Variants in TENT4B observed in about 807,000 individuals in gnomAD.
TENT4B encodes the protein PAP associated domain containing 5.
TENT4B carries 10 observed loss-of-function variants against 75.0 expected under a neutral mutation model. The observed-to-expected ratio is 0.13, with a 90% CI of 0.08 to 0.23. The LOEUF (loss-of-function observed/expected upper bound fraction) is 0.23, where lower values mean the gene tolerates loss of function less well. Among genes scored for constraint, TENT4B ranks in the 10% least tolerant of loss-of-function variants. The pLI, the probability that TENT4B is intolerant of heterozygous loss-of-function variation, is 1.00. For missense variants in TENT4B, 579 were observed against 893.8 expected (o/e 0.65, Z 4.49); for synonymous variants, 350 against 357.7 (o/e 0.98, Z 0.24).
chr16:50,160,643 T>C (rs532244686), intron 1 of TENT4B, among the ~76,000 whole-genome samples: 1 of 152,236 alleles, frequency 6.6e-6, no homozygotes, highest in Non-Finnish European at 1.5e-5. Flanking sequence ...ACTGATCAGA[T>C]GGTTCTCACT....
chr16:50,153,014 G>C, upstream of TENT4B: 1 of 1,516,756 alleles, frequency 6.6e-7, no homozygotes, highest in Admixed American at 2.0e-5. Context: ...GCGCGCCTCA[G>C]AAGCTCCCGG....
intron 11 of TENT4B, 56 bp downstream of exon 11, chr16:50,228,059 T>C: frequency 6.4e-7 from 1 of 1,555,704 alleles, no homozygotes; most frequent in South Asian, 1.2e-5. Flanking sequence ...ATTTAGAATT[T>C]CCCACATGTA....
At chr16:50,210,768 C>T (rs763668876) in intron 1 of TENT4B, among the ~76,000 whole-genome samples, 49 of 152,250 alleles carry the variant, frequency 3.2e-4, no homozygotes, top group Admixed American at 1.7e-3. Context: ...CTGCCTGCCA[C>T]AGCCCTTGTA....
chr16:50,226,326 C>G (rs2032052403), intron 10 of TENT4B, among the ~76,000 whole-genome samples: 1 of 151,936 alleles, frequency 6.6e-6, no homozygotes, highest in Non-Finnish European at 1.5e-5. Flanking sequence ...TTAGTTTTGC[C>G]TGTTTCAGAA....
At chr16:50,211,898 C>A (rs2031297639) in intron 2 of TENT4B, among the ~76,000 whole-genome samples, 1 of 152,130 alleles carries the variant, frequency 6.6e-6, no homozygotes, top group Non-Finnish European at 1.5e-5. Context: ...TTTCCTTTGG[C>A]TAATGCACGC....
chr16:50,219,661 AT>A (rs893259975), intron 5 of TENT4B, among the ~76,000 whole-genome samples: 9 of 150,756 alleles, frequency 6.0e-5, no homozygotes, highest in African/African-American at 2.0e-4. Context: ...TCATATTCTC[AT>A]TTTCTCTCTC....
At chr16:50,194,445 C>T (rs963430996) in intron 1 of TENT4B, among the ~76,000 whole-genome samples, 1 of 152,024 alleles carries the variant, frequency 6.6e-6, no homozygotes, top group African/African-American at 2.4e-5. Context: ...GAACTTCTGA[C>T]CTCAGGCGAT....
chr16:50,206,354 A>ATTTTTTTTTTTTTTTTTTTTTTTTTGT (rs35118426), intron 1 of TENT4B, among the ~76,000 whole-genome samples: 1 of 96,550 alleles, frequency 1.0e-5, no homozygotes, highest in African/African-American at 3.9e-5. Flanking sequence ...ATATGTATGT[A>ATTTTTTTTTTTTTTTTTTTTTTTTTGT]TTTTTTTTTT....
At chr16:50,221,651 T>C (rs563031042) in intron 5 of TENT4B, among the ~76,000 whole-genome samples, 23 of 152,352 alleles carry the variant, frequency 1.5e-4, no homozygotes, top group African/African-American at 5.0e-4. Context: ...AAGATGTTGG[T>C]TACTTTGTCC....
At chr16:50,182,662 C>T (rs982310903) in intron 1 of TENT4B, among the ~76,000 whole-genome samples, 1 of 152,064 alleles carries the variant, frequency 6.6e-6, no homozygotes, top group African/African-American at 2.4e-5. Context: ...CTTAAGCATT[C>T]TCTTATTCTT....
chr16:50,177,231 G>C (rs1368942156), intron 1 of TENT4B, among the ~76,000 whole-genome samples: 2 of 152,110 alleles, frequency 1.3e-5, no homozygotes, highest in Non-Finnish European at 2.9e-5. Context: ...TTGAACTTCT[G>C]ATCTCAGGTG....
intron 1 of TENT4B, among the ~76,000 whole-genome samples, chr16:50,164,854 G>C (rs2038069327): frequency 6.6e-6 from 1 of 151,628 alleles, no homozygotes; most frequent in South Asian, 2.1e-4. Context: ...GAGTTCAAGA[G>C]CAGCTTGGGT....
At chr16:50,182,009 A>G (rs1312386375) in intron 1 of TENT4B, among the ~76,000 whole-genome samples, 1 of 152,160 alleles carries the variant, frequency 6.6e-6, no homozygotes, top group African/African-American at 2.4e-5. Context: ...CATGCCTGTA[A>G]TCTCAGCCCT....
At position 50,231,166 on chromosome 16, in the gene TENT4B, A is replaced by G. The variant is rs1461777619; in HGVS notation, c.*1838A>G. 2 of 985,530 alleles carry G rather than the reference A, an allele frequency of 2.0e-6. No homozygotes were observed. Among genetic ancestry groups the G allele is most frequent in the African/African-American group, 1.7e-5 (1 of 57,352 alleles). The allele number at this position is 985,530 out of a possible 1,614,324, so 61.0% of individuals were successfully genotyped here. On this transcript the variant is annotated 3_prime_UTR_variant, in exon 12 of 12. Coordinates refer to ENST00000561678, the MANE Select transcript of TENT4B (RefSeq NM_001365324.3). The stretch of plus-strand genomic sequence containing the variant: ...CTCATAGTACTCGTGTAAACTGTGG[A>G]AGATTTCAAATGTGATGTTATTTTG...
chr16:50,182,478 A>G (rs1173956908), intron 1 of TENT4B, among the ~76,000 whole-genome samples: 1 of 152,174 alleles, frequency 6.6e-6, no homozygotes, highest in African/African-American at 2.4e-5. Context: ...CCTTAAGCTG[A>G]TAGTATTGTG....
intron 10 of TENT4B, among the ~76,000 whole-genome samples, chr16:50,225,686 CT>C (rs1210292398): frequency 0.012 from 1,674 of 143,446 alleles, 11 homozygotes; most frequent in Non-Finnish European, 0.016. Flanking sequence ...TTGTTTTTTC[CT>C]TTTTTTTTTT....
chr16:50,221,529 C>G (rs896040995), intron 5 of TENT4B, among the ~76,000 whole-genome samples: 2 of 152,130 alleles, frequency 1.3e-5, no homozygotes, highest in African/African-American at 4.8e-5. Context: ...AGTCAGCAGG[C>G]AGGACTCTTG....
intron 4 of TENT4B, 126 bp downstream of exon 4, chr16:50,216,321 C>T (rs1033577382): frequency 2.4e-5 from 30 of 1,247,784 alleles, no homozygotes; most frequent in Non-Finnish European, 3.0e-5. Context: ...TTAATGTCAC[C>T]GTGCTTGCAC....
At chr16:50,181,464 A>ATTTT (rs35488041) in intron 1 of TENT4B, among the ~76,000 whole-genome samples, 17 of 109,812 alleles carry the variant, frequency 1.5e-4, no homozygotes, top group South Asian at 2.9e-4. Context: ...CAGCTATTGT[A>ATTTT]TTTTTTTTTT....
Sources: allele counts gnomAD v4.1 joint callset (sites outside exome capture counted in the v4.1 genomes callset), GRCh38; gene constraint gnomAD v4.1.1; transcripts MANE v1.5; gene names NCBI Gene and HGNC (gene_info 2026-07-23, HGNC 2026-07-21).